MAP2: variants seen among roughly 807,000 people sequenced by gnomAD.
MAP2 encodes microtubule associated protein 2, also known as microtubule-associated protein 2.
MAP2 carries 14 observed loss-of-function variants against 137.6 expected under a neutral mutation model. That is an observed-to-expected ratio of 0.10 (90% CI 0.07 to 0.16). The LOEUF (loss-of-function observed/expected upper bound fraction) is 0.16, where lower values mean the gene tolerates loss of function less well. MAP2 is among the 10% of genes least tolerant of loss of function. MAP2 has a pLI of 1.00. For synonymous variants in MAP2, 786 were observed against 782.3 expected (o/e 1.00, Z -0.08); for missense variants, 2,088 against 2,191.5 (o/e 0.95, Z 0.94).
intron 3 of MAP2, among the ~76,000 whole-genome samples, chr2:209,614,775 G>T (rs565664962): frequency 2.0e-5 from 3 of 151,970 alleles, no homozygotes; most frequent in Non-Finnish European, 2.9e-5. Flanking sequence ...GGAGGGGAGG[G>T]TGCCAGCTTA....
chr2:209,457,796 A>ATC (rs1701890045), intron 1 of MAP2, among the ~76,000 whole-genome samples: 1 of 152,176 alleles, frequency 6.6e-6, no homozygotes, highest in African/African-American at 2.4e-5. Context: ...GTTGTGTCCT[A>ATC]TTAGTGTAGA....
At chr2:209,651,481 A>C (rs2094795960) in intron 4 of MAP2, among the ~76,000 whole-genome samples, 1 of 152,212 alleles carries the variant, frequency 6.6e-6, no homozygotes, top group Admixed American at 6.5e-5. Flanking sequence ...TTTATTGAGC[A>C]TGCCAGGAAC....
At chr2:209,474,836 A>T (rs985047781) in intron 1 of MAP2, among the ~76,000 whole-genome samples, 1 of 152,060 alleles carries the variant, frequency 6.6e-6, no homozygotes, top group Non-Finnish European at 1.5e-5. Flanking sequence ...TAAATCTATA[A>T]ATAGGCATGA....
At chr2:209,696,841 A>T in intron 9 of MAP2, 76 bp from the exon 10 acceptor site, 1 of 1,544,698 alleles carries the variant, frequency 6.5e-7, no homozygotes, top group Admixed American at 2.1e-5. Context: ...CTAATTATTT[A>T]TAAAATTTCG....
intron 5 of MAP2, among the ~76,000 whole-genome samples, chr2:209,657,640 G>C (rs1423298331): frequency 6.7e-6 from 1 of 150,320 alleles, no homozygotes; most frequent in Non-Finnish European, 1.5e-5. Context: ...TTTTTTTCTT[G>C]TTGAGTTGTT....
chr2:209,552,629 G>A (rs1445436937), intron 2 of MAP2, among the ~76,000 whole-genome samples: 1 of 152,092 alleles, frequency 6.6e-6, no homozygotes, highest in Admixed American at 6.5e-5. Flanking sequence ...TTGGGAGGCC[G>A]AGGCGGGTGG....
At position 209,693,927 on chromosome 2, in the gene MAP2, T is replaced by A; in HGVS notation, c.1757T>A (p.Ile586Asn). Residue 586 changes from isoleucine to asparagine, a missense_variant, in exon 8 of 16, where the codon ATT (isoleucine) becomes AAT (asparagine). Physicochemically the swap from Ile to Asn is moderately radical, Grantham distance 149. Transcript: ENST00000682079. ...SALKEEATKS[I>N]EPGSDYYELS... ...TTGAAAGAAGAAGCAACAAAAAGCATTGAGCCAGGCAGTGATTACTATGAA... is the reference window on the plus strand; with the variant it reads ...TTGAAAGAAGAAGCAACAAAAAGCAATGAGCCAGGCAGTGATTACTATGAA... The A allele has an allele frequency of 6.2e-7, 1 of 1,612,360 alleles. No individual in the cohort carries two copies. Among genetic ancestry groups the A allele is most frequent in the Non-Finnish European group, 8.5e-7 (1 of 1,179,454 alleles).
intron 1 of MAP2, among the ~76,000 whole-genome samples, chr2:209,458,912 T>A (rs1702137681): frequency 6.6e-6 from 1 of 152,160 alleles, no homozygotes; most frequent in African/African-American, 2.4e-5. Flanking sequence ...TACTTATATG[T>A]AGCTTATAGG....
At chr2:209,589,432 A>T (rs926530504) in intron 3 of MAP2, among the ~76,000 whole-genome samples, 1 of 152,172 alleles carries the variant, frequency 6.6e-6, no homozygotes, top group Non-Finnish European at 1.5e-5. Flanking sequence ...CAGATAAATG[A>T]GTGTATTGCC....
chr2:209,542,076 A>AT, intron 2 of MAP2, among the ~76,000 whole-genome samples: 1 of 152,216 alleles, frequency 6.6e-6, no homozygotes, highest in Non-Finnish European at 1.5e-5. Context: ...CTTAAATAAG[A>AT]CGTGAAAGTC....
At chr2:209,590,525 G>T (rs1411679371) in intron 3 of MAP2, among the ~76,000 whole-genome samples, 2 of 152,056 alleles carry the variant, frequency 1.3e-5, no homozygotes, top group African/African-American at 4.8e-5. Flanking sequence ...AGTAGAGACG[G>T]TGTTTCTCCA....
intron 3 of MAP2, among the ~76,000 whole-genome samples, chr2:209,621,998 G>A (rs1333921324): frequency 6.6e-6 from 1 of 152,188 alleles, no homozygotes; most frequent in Admixed American, 6.5e-5. Context: ...AGTGTGCAGT[G>A]TACATCCTAT....
intron 2 of MAP2, among the ~76,000 whole-genome samples, chr2:209,517,711 C>T (rs16843019): frequency 0.22 from 33,975 of 151,732 alleles, 5,090 homozygotes; most frequent in African/African-American, 0.42. Context: ...ACATAGAAAT[C>T]CTAGTCATTA....
At chr2:209,492,000 C>T (rs1379115031) in intron 1 of MAP2, among the ~76,000 whole-genome samples, 1 of 151,970 alleles carries the variant, frequency 6.6e-6, no homozygotes, top group Admixed American at 6.6e-5. Context: ...TAAACAAGAA[C>T]ATTTCAGCCC....
At chr2:209,460,085 T>C (rs1307542388) in intron 1 of MAP2, among the ~76,000 whole-genome samples, 3 of 152,208 alleles carry the variant, frequency 2.0e-5, no homozygotes, top group African/African-American at 4.8e-5. Context: ...GCACATAAAT[T>C]ATTCTGTTTA....
intron 1 of MAP2, among the ~76,000 whole-genome samples, chr2:209,495,204 A>G (rs1464429867): frequency 3.3e-5 from 5 of 152,060 alleles, no homozygotes; most frequent in African/African-American, 1.2e-4. Context: ...TGTGGATAAA[A>G]CTCCCATCTC....
intron 1 of MAP2, among the ~76,000 whole-genome samples, chr2:209,495,151 C>G (rs1015419933): frequency 9.9e-5 from 15 of 152,252 alleles, no homozygotes; most frequent in African/African-American, 3.6e-4. Flanking sequence ...CCTCTCTGGA[C>G]AGGGCATCTC....
rs1175550686 is a variant in MAP2, at chr2:209,731,244, C to G, written c.*847C>G. On this transcript the variant is annotated 3_prime_UTR_variant, in exon 16 of 16. Transcript: ENST00000682079. Reference sequence around the variant, plus strand: ...TACTTGAATATTATACTTCTTTATTCACAGTATCTGTGTCTCCTGCACCCT... The same window carrying G: ...TACTTGAATATTATACTTCTTTATTGACAGTATCTGTGTCTCCTGCACCCT... 1 of 152,184 alleles carries G rather than the reference C, an allele frequency of 6.6e-6. No homozygotes were observed. The highest frequency in any genetic ancestry group is 1.5e-5 in the Non-Finnish European group (1 of 68,000). 9.4% of individuals were successfully genotyped at this position (152,184 alleles called of 1,614,324 possible).
chr2:209,593,637 ATATATATATATATATATATATATAT>A (rs2080066227), intron 3 of MAP2, among the ~76,000 whole-genome samples: 1 of 31,844 alleles, frequency 3.1e-5, no homozygotes, highest in Non-Finnish European at 5.4e-5. Context: ...AAAAAAAAAT[ATATATATATATATATATATATATAT>A]ATATATATAT....
Sources: allele counts gnomAD v4.1 joint callset (sites outside exome capture counted in the v4.1 genomes callset), GRCh38; gene constraint gnomAD v4.1.1; transcripts MANE v1.5; gene names NCBI Gene and HGNC (gene_info 2026-07-23, HGNC 2026-07-21).